Variants in EYA4 observed in about 807,000 individuals in gnomAD.
EYA4 encodes protein phosphatase EYA4.
Under a neutral mutation model 87.9 loss-of-function variants are expected in EYA4, and 31 were observed. The ratio of observed to expected loss-of-function variants is 0.35; its 90% confidence interval spans 0.27 to 0.48. EYA4 has a LOEUF of 0.48. Among genes scored for constraint, EYA4 ranks in the 20% least tolerant of loss-of-function variants. EYA4 has a pLI of 0.99. For missense variants in EYA4, 678 were observed against 761.4 expected, an observed-to-expected ratio of 0.89 and a Z score of 1.29; for synonymous variants, 263 against 270.6, an observed-to-expected ratio of 0.97 and a Z score of 0.28.
intron 2 of EYA4, among the ~76,000 whole-genome samples, chr6:133,309,138 T>G (rs1365659284): frequency 6.6e-6 from 1 of 152,040 alleles, no homozygotes; most frequent in East Asian, 1.9e-4. Flanking sequence ...TGTGTATAAT[T>G]TTGCTATGCT....
chr6:133,272,708 C>T (rs1199270449), intron 1 of EYA4, among the ~76,000 whole-genome samples: 1 of 152,168 alleles, frequency 6.6e-6, no homozygotes, highest in Non-Finnish European at 1.5e-5. Flanking sequence ...CTACTGGCAC[C>T]TCAAGCACCA....
intron 2 of EYA4, among the ~76,000 whole-genome samples, chr6:133,376,074 C>G (rs1390514535): frequency 6.6e-6 from 1 of 151,764 alleles, no homozygotes; most frequent in Non-Finnish European, 1.5e-5. Flanking sequence ...ACAAAGCCGA[C>G]AAGTCTAAAT....
At chr6:133,332,086 G>C (rs1391684653) in intron 2 of EYA4, among the ~76,000 whole-genome samples, 1 of 152,126 alleles carries the variant, frequency 6.6e-6, no homozygotes, top group Non-Finnish European at 1.5e-5. Context: ...CTAGCTCTCT[G>C]CGTGGTCACC....
chr6:133,391,525 C>T (rs767982389), intron 3 of EYA4, among the ~76,000 whole-genome samples: 23 of 152,166 alleles, frequency 1.5e-4, no homozygotes, highest in Non-Finnish European at 2.8e-4. Flanking sequence ...ATCTCTCTGG[C>T]TGACCAGCTT....
At chr6:133,366,877 C>G (rs979756628) in intron 2 of EYA4, among the ~76,000 whole-genome samples, 1 of 152,152 alleles carries the variant, frequency 6.6e-6, no homozygotes, top group African/African-American at 2.4e-5. Context: ...TCTTCGTTCT[C>G]TAATGCTTGC....
At chr6:133,446,030 G>T (rs1350301371) in intron 3 of EYA4, among the ~76,000 whole-genome samples, 2 of 152,086 alleles carry the variant, frequency 1.3e-5, no homozygotes, top group Non-Finnish European at 2.9e-5. Context: ...TCAGGACTTG[G>T]GCTCATTTTT....
In EYA4 at chr6:133,528,893, T is replaced by C. The variant is rs1800844198; in HGVS notation, c.*88T>C. ...TTCAATGCCTCTGGCTCTACACATA[T>C]AAATTGTCTTAATGGATGAAATCAT... On this transcript the variant is annotated 3_prime_UTR_variant, in exon 20 of 20. Coordinates refer to ENST00000355286, the MANE Select transcript of EYA4 (RefSeq NM_004100.5). 5.0e-6 allele frequency: 8 copies of C among 1,605,338 alleles called. No individual in the cohort carries two copies. The highest frequency in any genetic ancestry group is 6.8e-6 in the Non-Finnish European group (8 of 1,174,832).
intron 10 of EYA4, among the ~76,000 whole-genome samples, chr6:133,466,737 C>T (rs1345943468): frequency 6.6e-6 from 1 of 151,262 alleles, no homozygotes; most frequent in Non-Finnish European, 1.5e-5. Flanking sequence ...TGTACCAAAT[C>T]CCCAATGGAT....
At chr6:133,290,764 A>C (rs1213553695) in intron 2 of EYA4, among the ~76,000 whole-genome samples, 1 of 152,184 alleles carries the variant, frequency 6.6e-6, no homozygotes. Flanking sequence ...GGAGACTGAA[A>C]GGGTTTAAGC....
chr6:133,395,050 T>C (rs1787666033), intron 3 of EYA4, among the ~76,000 whole-genome samples: 1 of 152,206 alleles, frequency 6.6e-6, no homozygotes. Flanking sequence ...GAATTATTTA[T>C]TTACAAAATG....
chr6:133,311,512 T>G (rs1780215336), intron 2 of EYA4, among the ~76,000 whole-genome samples: 2 of 151,600 alleles, frequency 1.3e-5, no homozygotes, highest in Admixed American at 6.6e-5. Context: ...GAGATGGGAG[T>G]CTCCCAGTGT....
At chr6:133,390,837 A>G (rs1562364826) in intron 3 of EYA4, among the ~76,000 whole-genome samples, 4 of 152,220 alleles carry the variant, frequency 2.6e-5, no homozygotes, top group Non-Finnish European at 5.9e-5. Flanking sequence ...TAAGAGCACC[A>G]GAGTGCAGTT....
chr6:133,528,479 A>C (rs1449789779), intron 19 of EYA4, among the ~76,000 whole-genome samples: 2 of 152,130 alleles, frequency 1.3e-5, no homozygotes, highest in Non-Finnish European at 2.9e-5. Context: ...AAGAAATGTT[A>C]ATATTTGCTA....
intron 2 of EYA4, among the ~76,000 whole-genome samples, chr6:133,327,322 G>A (rs1311658973): frequency 1.3e-5 from 2 of 151,762 alleles, no homozygotes; most frequent in African/African-American, 4.8e-5. Context: ...AGTAGAGACG[G>A]GGTTTCAGCA....
In EYA4 at chr6:133,299,935, C is replaced by CTA. The variant is rs1357039171; in HGVS notation, c.33+25124_33+25125dup. On this transcript the variant is annotated intron_variant, in intron 2 of 19. Transcript: ENST00000355286. ...TGTATATATAAAGATCTCTATCTATCTATCTATCTATCTATCTATCTATAT... is the reference window on the plus strand; with the variant it reads ...TGTATATATAAAGATCTCTATCTATCTATATCTATCTATCTATCTATCTATAT... Among the ~76,000 whole-genome samples, 380 of 125,200 alleles carry CTA rather than the reference C, an allele frequency of 3.0e-3. 1 individual carries two copies. The highest frequency in any genetic ancestry group is 0.012 in the Middle Eastern group (3 of 252). The allele number at this position is 125,200 out of a possible 152,430, so 82.1% of individuals were successfully genotyped here.
chr6:133,351,079 G>T (rs1783605552), intron 2 of EYA4, among the ~76,000 whole-genome samples: 1 of 146,802 alleles, frequency 6.8e-6, no homozygotes, highest in African/African-American at 2.6e-5. Context: ...CTTTTTTATG[G>T]AGTGTTAAAC....
At chr6:133,410,961 C>G (rs74326346) in intron 3 of EYA4, among the ~76,000 whole-genome samples, 3,405 of 151,968 alleles carry the variant, frequency 0.022, 128 homozygotes, top group African/African-American at 0.078. Context: ...CTGTTCCTCC[C>G]TGCCCTTCCC....
At chr6:133,370,178 A>G (rs74618358) in intron 2 of EYA4, among the ~76,000 whole-genome samples, 4,612 of 152,246 alleles carry the variant, frequency 0.03, 212 homozygotes, top group African/African-American at 0.1. Flanking sequence ...TTCTACTGAC[A>G]ATGGAGACTG....
At chr6:133,513,409 G>A (rs1457507227) in intron 16 of EYA4, among the ~76,000 whole-genome samples, 1 of 152,186 alleles carries the variant, frequency 6.6e-6, no homozygotes, top group Non-Finnish European at 1.5e-5. Context: ...CTCAATCATT[G>A]AAGGACGGTG....
Sources: allele counts gnomAD v4.1 joint callset (sites outside exome capture counted in the v4.1 genomes callset), GRCh38; gene constraint gnomAD v4.1.1; transcripts MANE v1.5; gene names NCBI Gene and HGNC (gene_info 2026-07-23, HGNC 2026-07-21).